The following MYO9B variants were observed in gnomAD, a reference collection of about 807,000 sequenced individuals.
The protein encoded by MYO9B is myosin IXB, also known as unconventional myosin-IXb.
MYO9B carries 71 observed loss-of-function variants against 229.5 expected under a neutral mutation model. The observed-to-expected ratio is 0.31, with a 90% CI of 0.26 to 0.38. The LOEUF is 0.38. Among genes scored for constraint, MYO9B ranks in the 10% least tolerant of loss-of-function variants. MYO9B has a pLI of 1.00. For missense variants in MYO9B, 2,255 were observed against 2,920.5 expected (o/e 0.77, Z 5.25); for synonymous variants, 1,185 against 1,235.8 (o/e 0.96, Z 0.86).
intron 6 of MYO9B, among the ~76,000 whole-genome samples, chr19:17,155,199 T>C (rs1244603727): frequency 6.6e-6 from 1 of 152,018 alleles, no homozygotes; most frequent in Non-Finnish European, 1.5e-5. Context: ...TTAATTATTT[T>C]TTTTTTTAGA....
intron 2 of MYO9B, among the ~76,000 whole-genome samples, chr19:17,141,718 G>A (rs1418352694): frequency 6.6e-6 from 1 of 152,164 alleles, no homozygotes; most frequent in African/African-American, 2.4e-5. Flanking sequence ...TGGGAAGGGG[G>A]CACCCCAGGA....
intron 10 of MYO9B, among the ~76,000 whole-genome samples, chr19:17,165,276 C>T (rs1473086030): frequency 6.6e-6 from 1 of 151,646 alleles, no homozygotes; most frequent in African/African-American, 2.4e-5. Flanking sequence ...TGGGAGGATC[C>T]CTTGAGCCCA....
At chr19:17,109,843 C>T (rs1404078126) in intron 2 of MYO9B, among the ~76,000 whole-genome samples, 2 of 152,230 alleles carry the variant, frequency 1.3e-5, no homozygotes, top group Non-Finnish European at 2.9e-5. Flanking sequence ...ACCTTCATGA[C>T]ATCTGCCAAG....
intron 13 of MYO9B, among the ~76,000 whole-genome samples, chr19:17,173,978 A>G (rs963991876): frequency 6.7e-6 from 1 of 148,382 alleles, no homozygotes; most frequent in Non-Finnish European, 1.5e-5. Context: ...CCAAAACTTC[A>G]CAGTTACCCA....
intron 6 of MYO9B, among the ~76,000 whole-genome samples, chr19:17,155,302 C>A (rs1274965946): frequency 6.6e-6 from 1 of 151,912 alleles, no homozygotes; most frequent in East Asian, 2.0e-4. Context: ...GATCCTCCCA[C>A]CTCAGCCTCC....
At chr19:17,127,905 T>G (rs1294110086) in intron 2 of MYO9B, among the ~76,000 whole-genome samples, 1 of 152,206 alleles carries the variant, frequency 6.6e-6, no homozygotes, top group African/African-American at 2.4e-5. Flanking sequence ...AAAATCCCGC[T>G]TAATCCTCCA....
intron 2 of MYO9B, among the ~76,000 whole-genome samples, chr19:17,143,237 C>A (rs1364070366): frequency 6.7e-6 from 1 of 148,866 alleles, no homozygotes; most frequent in African/African-American, 2.5e-5. Flanking sequence ...GACTCTGTTT[C>A]AAAAAAAAAA....
At chr19:17,118,339 C>T (rs1000703485) in intron 2 of MYO9B, among the ~76,000 whole-genome samples, 23 of 151,802 alleles carry the variant, frequency 1.5e-4, no homozygotes, top group African/African-American at 5.6e-4. Context: ...CCATGGCTCA[C>T]GCCTGTAATC....
chr19:17,159,653 G>A (rs1405789939), intron 8 of MYO9B, among the ~76,000 whole-genome samples, 169 bp downstream of exon 8: 1 of 152,226 alleles, frequency 6.6e-6, no homozygotes, highest in Non-Finnish European at 1.5e-5. Flanking sequence ...AGCCAGCCTG[G>A]GAGGCAAACC....
At chr19:17,139,957 C>T (rs2072317274) in intron 2 of MYO9B, among the ~76,000 whole-genome samples, 1 of 151,964 alleles carries the variant, frequency 6.6e-6, no homozygotes, top group African/African-American at 2.4e-5. Context: ...AGGGGAATCA[C>T]TTGAGCCCGG....
chr19:17,203,834 T>C (rs2073133305), intron 30 of MYO9B, among the ~76,000 whole-genome samples: 1 of 151,788 alleles, frequency 6.6e-6, no homozygotes, highest in African/African-American at 2.4e-5. Flanking sequence ...TACACGCTGC[T>C]CCACCGCCTG....
At chr19:17,098,935 A>C (rs1211647802) in intron 1 of MYO9B, among the ~76,000 whole-genome samples, 1 of 140,544 alleles carries the variant, frequency 7.1e-6, no homozygotes, top group African/African-American at 2.7e-5. Flanking sequence ...GACCCTGACA[A>C]AAAAAAAAAA....
chr19:17,150,074 C>G (rs1167179506), intron 3 of MYO9B, among the ~76,000 whole-genome samples: 1 of 152,186 alleles, frequency 6.6e-6, no homozygotes, highest in Non-Finnish European at 1.5e-5. Flanking sequence ...TCAGAAGCCA[C>G]CTGTGCATCG....
intron 35 of MYO9B, 114 bp from the exon 36 acceptor site, chr19:17,209,472 C>T (rs1259037126): frequency 2.6e-6 from 3 of 1,154,248 alleles, no homozygotes; most frequent in Non-Finnish European, 2.4e-6. Flanking sequence ...CCAGGCACTG[C>T]TTGGTCTCTG....
rs1184587964 is a variant in MYO9B, at chr19:17,196,000, A to T, written c.4046+527A>T. On this transcript the variant is annotated intron_variant, in intron 22 of 39. Coordinates refer to ENST00000682292, the MANE Select transcript of MYO9B (RefSeq NM_004145.4). This position sits in a 1 kb window ranked among gnomAD's most constrained non-coding sequence, Gnocchi z 4.5. ...TCCCACTGCTCGTATTGGGGGCCAG[A>T]TCATTCTCTGCGGTGGGGGCTGTCC... 6.6e-6 allele frequency among the ~76,000 whole-genome samples: 1 copy of T among 151,820 alleles called. No homozygotes were observed. Among genetic ancestry groups the T allele is most frequent in the East Asian group, 1.9e-4 (1 of 5,164 alleles).
intron 2 of MYO9B, among the ~76,000 whole-genome samples, chr19:17,108,875 G>A (rs959837018): frequency 3.3e-5 from 5 of 150,850 alleles, no homozygotes; most frequent in East Asian, 2.0e-4. Context: ...CACCGTGCCC[G>A]GCTAATGTTT....
chr19:17,145,499 G>A lies in MYO9B; in HGVS notation c.935+8G>A. Reference sequence around the variant, plus strand: ...GAGTGGCATCGTGAGAGGGTGAGGTGTCCCTGGGGTCCCCACTGGTGGGAG... The same window carrying A: ...GAGTGGCATCGTGAGAGGGTGAGGTATCCCTGGGGTCCCCACTGGTGGGAG... On this transcript the variant is annotated splice_region_variant and intron_variant, in intron 3 of 39. Transcript: ENST00000682292. The A allele has an allele frequency of 6.2e-7, 1 of 1,611,618 alleles. No individual in the cohort carries two copies. Among genetic ancestry groups the A allele is most frequent in the Non-Finnish European group, 8.5e-7 (1 of 1,177,774 alleles).
At position 17,194,603 on chromosome 19, in the gene MYO9B, G is replaced by C. The variant is rs1404924312; in HGVS notation, c.3176G>C (p.Arg1059Thr). 2.5e-6 allele frequency: 4 copies of C among 1,612,878 alleles called. 1 individual carries two copies. The Admixed American group carries it at 6.7e-5, about 27-fold the overall frequency. Reference protein sequence around the residue: ...SEKQKAEEKEREALEAARAGA... With the variant: ...SEKQKAEEKETEALEAARAGA... ...AAGCAGAAGGCAGAAGAGAAGGAGA[G>C]GGAAGCCCTGGAAGCCGCAAGAGCA... is the stretch of plus-strand genomic sequence containing the variant. Residue 1059 changes from arginine (R) to threonine (T), a missense_variant, in exon 22 of 40, where the codon AGG becomes ACG. This residue lies in a region of MYO9B where 679 missense variants were observed against 770.2 expected (regional missense o/e 0.88). Transcript: ENST00000682292.
chr19:17,154,629 G>A (rs185998475), intron 6 of MYO9B, among the ~76,000 whole-genome samples: 311 of 152,278 alleles, frequency 2.0e-3, no homozygotes, highest in Non-Finnish European at 3.5e-3. Context: ...TAAAGGTAAC[G>A]TGAACATACT....
Sources: allele counts gnomAD v4.1 joint callset (sites outside exome capture counted in the v4.1 genomes callset), GRCh38; gene constraint gnomAD v4.1.1; regional missense constraint gnomAD v4.1.1; non-coding constraint Gnocchi (gnomAD v3.1); transcripts MANE v1.5; gene names NCBI Gene and HGNC (gene_info 2026-07-23, HGNC 2026-07-21).